The following LRRC4C variants were observed in gnomAD, a reference collection of about 807,000 sequenced individuals.
LRRC4C encodes the protein leucine rich repeat containing 4C, also known as leucine-rich repeat-containing protein 4C.
A neutral mutation model predicts 33.6 loss-of-function variants in LRRC4C; 5 were observed. That is an observed-to-expected ratio of 0.15 (90% CI 0.08 to 0.31). The LOEUF is 0.31. Among genes scored for constraint, LRRC4C ranks in the 10% least tolerant of loss-of-function variants. The probability of loss-of-function intolerance (pLI) is 1.00; values close to 1 mark genes in which losing one functional copy is unlikely to be tolerated. For missense variants in LRRC4C, 560 were observed against 796.7 expected, an observed-to-expected ratio of 0.70 and a Z score of 3.58; for synonymous variants, 329 against 302.0, an observed-to-expected ratio of 1.09 and a Z score of -0.93.
At chr11:40,806,243 C>G (rs113568517) in intron 2 of LRRC4C, among the ~76,000 whole-genome samples, 2,574 of 152,286 alleles carry the variant, frequency 0.017, 44 homozygotes, top group South Asian at 0.04. Context: ...ATGTCTGGAG[C>G]TTGGGATGAG....
intron 2 of LRRC4C, among the ~76,000 whole-genome samples, chr11:40,854,577 C>A (rs1953679393): frequency 6.6e-6 from 1 of 151,934 alleles, no homozygotes; most frequent in African/African-American, 2.4e-5. Context: ...TAGTTGTTAG[C>A]TATAAGTAGT....
intron 1 of LRRC4C, among the ~76,000 whole-genome samples, chr11:41,345,981 G>C (rs1271392172): frequency 1.3e-5 from 2 of 152,006 alleles, no homozygotes; most frequent in Non-Finnish European, 2.9e-5. Context: ...TGTTTTTCCA[G>C]AATTTGTAGG....
intron 2 of LRRC4C, among the ~76,000 whole-genome samples, chr11:40,665,339 T>TATAC (rs1943724353): frequency 8.8e-5 from 1 of 11,376 alleles, no homozygotes; most frequent in African/African-American, 2.5e-4. Context: ...TATATATATA[T>TATAC]ATATATATAT....
intron 2 of LRRC4C, among the ~76,000 whole-genome samples, chr11:40,853,260 T>C (rs891354457): frequency 1.3e-5 from 2 of 151,986 alleles, no homozygotes; most frequent in African/African-American, 4.8e-5. Flanking sequence ...TACTATGCTT[T>C]GTAATTAATA....
chr11:41,134,722 G>A (rs763179147), intron 1 of LRRC4C, among the ~76,000 whole-genome samples: 1 of 152,078 alleles, frequency 6.6e-6, no homozygotes, highest in Non-Finnish European at 1.5e-5. Context: ...CTAATCCACT[G>A]TGACCTCATT....
At chr11:41,262,594 T>A (rs772315991) in intron 1 of LRRC4C, among the ~76,000 whole-genome samples, 1 of 152,106 alleles carries the variant, frequency 6.6e-6, no homozygotes, top group Non-Finnish European at 1.5e-5. Flanking sequence ...AACAAAATGG[T>A]TGCTATATCC....
intron 3 of LRRC4C, among the ~76,000 whole-genome samples, chr11:40,417,150 T>C (rs574741281): frequency 6.6e-6 from 1 of 152,322 alleles, no homozygotes; most frequent in Non-Finnish European, 1.5e-5. Flanking sequence ...GTCCAGTCAC[T>C]TCCCTTCAGT....
chr11:40,367,053 T>C (rs955744995), intron 3 of LRRC4C, among the ~76,000 whole-genome samples: 3 of 152,100 alleles, frequency 2.0e-5, no homozygotes, highest in African/African-American at 7.2e-5. Flanking sequence ...AAGGCACAGA[T>C]GTGAACTTGA....
intron 1 of LRRC4C, among the ~76,000 whole-genome samples, chr11:41,176,100 G>C (rs925724561): frequency 2.6e-5 from 4 of 152,068 alleles, no homozygotes; most frequent in Non-Finnish European, 5.9e-5. Context: ...TTATAGCAGT[G>C]ACTGCATGTG....
intron 1 of LRRC4C, among the ~76,000 whole-genome samples, chr11:41,273,583 A>G (rs1949387178): frequency 1.3e-5 from 2 of 152,206 alleles, no homozygotes; most frequent in Non-Finnish European, 2.9e-5. Flanking sequence ...TAATTTCCAG[A>G]GGCTAAAGGA....
intron 3 of LRRC4C, among the ~76,000 whole-genome samples, chr11:40,500,225 T>C (rs1954676975): frequency 6.8e-6 from 1 of 146,658 alleles, no homozygotes; most frequent in African/African-American, 2.5e-5. Flanking sequence ...CATAAGATTG[T>C]TAGAAGAATT....
chr11:40,337,904 T>C (rs145855707), intron 3 of LRRC4C, among the ~76,000 whole-genome samples: 54 of 152,234 alleles, frequency 3.5e-4, no homozygotes, highest in African/African-American at 1.3e-3. Flanking sequence ...ATCATTTAGC[T>C]CCCACTTATA....
intron 5 of LRRC4C, among the ~76,000 whole-genome samples, chr11:40,172,647 A>G (rs1345301519): frequency 6.6e-6 from 1 of 151,742 alleles, no homozygotes; most frequent in Non-Finnish European, 1.5e-5. Flanking sequence ...CAACTGACAT[A>G]TACCTGTCTC....
intron 1 of LRRC4C, among the ~76,000 whole-genome samples, chr11:41,273,159 TGTGGAGAAATTGAATC>T (rs1174733456): frequency 6.6e-6 from 1 of 152,124 alleles, no homozygotes; most frequent in Non-Finnish European, 1.5e-5. Flanking sequence ...TTAGTGAGGA[TGTGGAGAAATTGAATC>T]CCTTATACAC....
chr11:41,290,901 A>G (rs1264006241), intron 1 of LRRC4C, among the ~76,000 whole-genome samples: 9 of 152,180 alleles, frequency 5.9e-5, no homozygotes, highest in Non-Finnish European at 1.0e-4. Flanking sequence ...TCCTGCCAAG[A>G]AACAAATTAT....
intron 3 of LRRC4C, among the ~76,000 whole-genome samples, chr11:40,532,199 C>T (rs921599744): frequency 6.6e-6 from 1 of 150,968 alleles, no homozygotes; most frequent in African/African-American, 2.4e-5. Flanking sequence ...GCTGACTAAT[C>T]CTAAATTCTT....
At chr11:41,142,133 ATATAACAGG>A (rs1427529442) in intron 1 of LRRC4C, among the ~76,000 whole-genome samples, 1 of 152,162 alleles carries the variant, frequency 6.6e-6, no homozygotes, top group Admixed American at 6.6e-5. Context: ...CATTATATAT[ATATAACAGG>A]TATTAGCAGG....
chr11:40,444,093 T>C (rs1182613782), intron 3 of LRRC4C, among the ~76,000 whole-genome samples: 5 of 152,158 alleles, frequency 3.3e-5, no homozygotes, highest in Non-Finnish European at 5.9e-5. Flanking sequence ...TTCTGACATT[T>C]ATTGAGTGTG....
chr11:40,872,998 A>G (rs1954721932), intron 2 of LRRC4C, among the ~76,000 whole-genome samples: 2 of 152,244 alleles, frequency 1.3e-5, no homozygotes, highest in African/African-American at 4.8e-5. Flanking sequence ...GTTTGGGATA[A>G]TGATGCAGAT....
Sources: allele counts gnomAD v4.1 joint callset (sites outside exome capture counted in the v4.1 genomes callset), GRCh38; gene constraint gnomAD v4.1.1; transcripts MANE v1.5; gene names NCBI Gene and HGNC (gene_info 2026-07-23, HGNC 2026-07-21).